RPS6KA2: variants seen among roughly 807,000 people sequenced by gnomAD.
The protein encoded by RPS6KA2 is ribosomal protein S6 kinase A2, also known as ribosomal protein S6 kinase alpha-2.
RPS6KA2 carries 42 observed loss-of-function variants against 91.8 expected under a neutral mutation model. That is an observed-to-expected ratio of 0.46 (90% confidence interval 0.36 to 0.59). RPS6KA2 has a LOEUF of 0.59. RPS6KA2 is among the 20% of genes least tolerant of loss of function. The pLI is 0.00. For missense variants in RPS6KA2, 798 were observed against 978.5 expected (o/e 0.82, Z 2.46); for synonymous variants, 414 against 393.6 (o/e 1.05, Z -0.61).
intron 2 of RPS6KA2, among the ~76,000 whole-genome samples, chr6:166,709,579 A>G (rs1381684406): frequency 6.6e-6 from 1 of 152,256 alleles, no homozygotes; most frequent in Non-Finnish European, 1.5e-5. Flanking sequence ...CTTTCTTCAT[A>G]AAAGTCAGAA....
intron 2 of RPS6KA2, among the ~76,000 whole-genome samples, chr6:166,684,973 A>G (rs1274151787): frequency 6.6e-6 from 1 of 152,246 alleles, no homozygotes; most frequent in Non-Finnish European, 1.5e-5. Context: ...AGAGCGTGGT[A>G]CTGGGAGCCA....
Position 166,612,946 on chromosome 6 carries a change from A to G in RPS6KA2, c.99+13975T>C, listed in dbSNP as rs564301053. Among the ~76,000 whole-genome samples, 1 of 151,866 alleles carries G rather than the reference A, an allele frequency of 6.6e-6. No homozygotes were observed. Among genetic ancestry groups the G allele is most frequent in the South Asian group, 2.1e-4 (1 of 4,804 alleles). On this transcript the variant is annotated intron_variant, in intron 1 of 20. Transcript: ENST00000265678. The surrounding 1 kb of genome is among the most constrained non-coding windows in gnomAD (Gnocchi z 4.3). ...CTCTCCCCTCTCCTCCTGCCCTTTA[A>G]TTATTGTTTAAAAGACAGATGCTTG...
chr6:166,438,668 C>T (rs879944605), intron 14 of RPS6KA2, among the ~76,000 whole-genome samples: 1 of 152,200 alleles, frequency 6.6e-6, no homozygotes, highest in African/African-American at 2.4e-5. Context: ...GGGAAATTTA[C>T]AAGTGCAACA....
chr6:166,810,150 G>A (rs1779593256), intron 2 of RPS6KA2, among the ~76,000 whole-genome samples: 1 of 152,162 alleles, frequency 6.6e-6, no homozygotes. Context: ...CGGATCTCGT[G>A]ATAACTCACT....
At chr6:166,860,110 A>T (rs1781009670) in intron 1 of RPS6KA2, among the ~76,000 whole-genome samples, 1 of 132,784 alleles carries the variant, frequency 7.5e-6, no homozygotes, top group South Asian at 2.7e-4. Context: ...GAATTCCAAA[A>T]CACAGAGGAT....
chr6:166,475,759 G>A, intron 10 of RPS6KA2: 2 of 531,102 alleles, frequency 3.8e-6, no homozygotes, highest in Non-Finnish European at 7.7e-6. Flanking sequence ...GGGATGTGGA[G>A]GTGGGAGAAA....
At chr6:166,629,882 TCTGGCACTGTG>T, upstream of RPS6KA2, among the ~76,000 whole-genome samples, 1 of 152,338 alleles carries the variant, frequency 6.6e-6, no homozygotes, top group East Asian at 1.9e-4. Flanking sequence ...AGCACTAACA[TCTGGCACTGTG>T]GTGGTCATTT....
intron 2 of RPS6KA2, among the ~76,000 whole-genome samples, chr6:166,687,303 T>C (rs566913397): frequency 2.0e-5 from 3 of 152,252 alleles, no homozygotes; most frequent in South Asian, 2.1e-4. Flanking sequence ...AAATTTCAAA[T>C]GAGGAACACA....
chr6:166,745,181 T>G (rs1790958484), intron 2 of RPS6KA2, among the ~76,000 whole-genome samples: 1 of 149,264 alleles, frequency 6.7e-6, no homozygotes, highest in Non-Finnish European at 1.5e-5. Flanking sequence ...GAGAGAGTTT[T>G]GCCCTTGTTG....
At chr6:166,684,163 A>G in intron 2 of RPS6KA2, among the ~76,000 whole-genome samples, 1 of 152,116 alleles carries the variant, frequency 6.6e-6, no homozygotes, top group Non-Finnish European at 1.5e-5. Flanking sequence ...CAGATACTGG[A>G]CCAAACTGAG....
intron 2 of RPS6KA2, among the ~76,000 whole-genome samples, chr6:166,674,680 T>C (rs1788570483): frequency 6.6e-6 from 1 of 152,234 alleles, no homozygotes; most frequent in Admixed American, 6.5e-5. Flanking sequence ...GTTTTGTTTT[T>C]GTTTCTGAGA....
intron 1 of RPS6KA2, among the ~76,000 whole-genome samples, chr6:166,614,576 G>A (rs190445408): frequency 4.2e-4 from 64 of 152,338 alleles, no homozygotes; most frequent in African/African-American, 1.4e-3. Flanking sequence ...CAGAATATTC[G>A]CTTTGTCTTG....
At chr6:166,549,568 A>G (rs745385887) in intron 1 of RPS6KA2, among the ~76,000 whole-genome samples, 1 of 152,218 alleles carries the variant, frequency 6.6e-6, no homozygotes, top group Non-Finnish European at 1.5e-5. Flanking sequence ...TATACAATGT[A>G]TGATTCCATT....
chr6:166,693,208 C>T (rs144289333), intron 2 of RPS6KA2, among the ~76,000 whole-genome samples: 77 of 152,318 alleles, frequency 5.1e-4, no homozygotes, highest in African/African-American at 1.8e-3. Flanking sequence ...CACCGCAGCT[C>T]GCAGGAGGTG....
chr6:166,679,462 T>TCAA (rs1788718639), intron 2 of RPS6KA2, among the ~76,000 whole-genome samples: 1 of 151,982 alleles, frequency 6.6e-6, no homozygotes, highest in Admixed American at 6.6e-5. Flanking sequence ...AGACTCCATC[T>TCAA]CAATAATAAT....
chr6:166,636,733 G>A (rs574704706), intron 2 of RPS6KA2, among the ~76,000 whole-genome samples: 1 of 152,268 alleles, frequency 6.6e-6, no homozygotes, highest in Non-Finnish European at 1.5e-5. Context: ...TAAAGACATT[G>A]GGGAACGAGG....
chr6:166,768,983 G>A (rs17590511), intron 2 of RPS6KA2, among the ~76,000 whole-genome samples: 29,535 of 152,066 alleles, frequency 0.19, 3,350 homozygotes, highest in Non-Finnish European at 0.26. Context: ...AGAAACAGCC[G>A]CTTTCCTGGG....
intron 15 of RPS6KA2, 68 bp downstream of exon 15, chr6:166,432,333 A>C: frequency 9.7e-7 from 1 of 1,025,698 alleles, no homozygotes; most frequent in South Asian, 1.4e-5. Context: ...GCTCTGAGTG[A>C]ATGGGAGTTT....
In RPS6KA2 at chr6:166,612,258, C is replaced by T. The variant is rs1415032365; in HGVS notation, c.99+14663G>A. Among the ~76,000 whole-genome samples, 2 of 151,894 alleles carry T rather than the reference C, an allele frequency of 1.3e-5. No homozygotes were observed. Among genetic ancestry groups the T allele is most frequent in the Admixed American group, 6.6e-5 (1 of 15,246 alleles). On this transcript the variant is annotated intron_variant, in intron 1 of 20. Coordinates refer to ENST00000265678, the MANE Select transcript of RPS6KA2 (RefSeq NM_021135.6). The surrounding 1 kb of genome is among the most constrained non-coding windows in gnomAD (Gnocchi z 4.3). ...AGCTCAGGGGAGTCAAGCCCCTTGA[C>T]GAGGTGTGTGATGTGGGCAGGTGTG...
Sources: gnomAD v4.1 joint callset for allele counts (sites outside exome capture counted in the v4.1 genomes callset) on GRCh38, gnomAD v4.1.1 for gene constraint, Gnocchi (gnomAD v3.1) non-coding constraint, MANE v1.5 for transcripts, NCBI Gene and HGNC (gene_info 2026-07-23, HGNC 2026-07-21) for gene names.